The following RPTOR variants were observed in gnomAD, a reference collection of about 807,000 sequenced individuals.
RPTOR encodes regulatory associated protein of MTOR complex 1.
RPTOR carries 21 observed loss-of-function variants against 169.9 expected under a neutral mutation model. The observed-to-expected ratio is 0.12, with a 90% CI of 0.09 to 0.18. The LOEUF is 0.18. RPTOR is among the 10% of genes least tolerant of loss of function. RPTOR has a pLI of 1.00. For synonymous variants in RPTOR, 732 were observed against 753.2 expected, an observed-to-expected ratio of 0.97 and a Z score of 0.46; for missense variants, 1,133 against 1,855.9, an observed-to-expected ratio of 0.61 and a Z score of 7.16.
At chr17:80,801,825 T>G (rs955982714) in intron 7 of RPTOR, 7 of 152,018 alleles carry the variant, frequency 4.6e-5, no homozygotes, top group African/African-American at 1.7e-4. Context: ...AGGTGAGTGA[T>G]TGGCGGAAAC....
At chr17:80,841,098 GCTCA>G (rs1166945667) in intron 10 of RPTOR, among the ~76,000 whole-genome samples, 1 of 72,412 alleles carries the variant, frequency 1.4e-5, no homozygotes, top group Non-Finnish European at 2.3e-5. Context: ...CCACACGGCA[GCTCA>G]CTCTCTCTGC....
At chr17:80,586,317 CTGAT>C (rs1229886329) in intron 1 of RPTOR, among the ~76,000 whole-genome samples, 2 of 152,096 alleles carry the variant, frequency 1.3e-5, no homozygotes, top group Non-Finnish European at 2.9e-5. Context: ...AGTCTTGTGA[CTGAT>C]TGGTGCCTCC....
intron 3 of RPTOR, among the ~76,000 whole-genome samples, chr17:80,685,217 G>A (rs1043770383): frequency 6.6e-5 from 7 of 106,276 alleles, no homozygotes; most frequent in Admixed American, 2.5e-4. Context: ...CGTTTTCAGT[G>A]TATGCCAGTG....
At chr17:80,563,656 G>C (rs186675444) in intron 1 of RPTOR, among the ~76,000 whole-genome samples, 6 of 150,938 alleles carry the variant, frequency 4.0e-5, no homozygotes, top group Admixed American at 4.0e-4. Flanking sequence ...ATTTGTTTTA[G>C]TCAGGTTCTT....
intron 21 of RPTOR, among the ~76,000 whole-genome samples, chr17:80,922,431 G>C (rs779526103): frequency 6.6e-6 from 1 of 152,126 alleles, no homozygotes; most frequent in Non-Finnish European, 1.5e-5. Context: ...GAGGCTTCAG[G>C]CCCTGACCCC....
chr17:80,848,920 C>G (rs1310311031), intron 11 of RPTOR, among the ~76,000 whole-genome samples: 1 of 152,252 alleles, frequency 6.6e-6, no homozygotes, highest in Admixed American at 6.5e-5. Context: ...GAAGACAGCT[C>G]TGGTCGGAGC....
At chr17:80,745,820 A>G (rs2066567330) in intron 5 of RPTOR, among the ~76,000 whole-genome samples, 1 of 152,218 alleles carries the variant, frequency 6.6e-6, no homozygotes, top group African/African-American at 2.4e-5. Context: ...GATGCCTCTT[A>G]TATGTATTTG....
intron 4 of RPTOR, chr17:80,709,261 A>G (rs2066166100): frequency 3.9e-6 from 1 of 259,094 alleles, no homozygotes; most frequent in South Asian, 1.4e-4. Context: ...TTACAGAAGC[A>G]GGATGTAATG....
chr17:80,743,561 C>A, intron 5 of RPTOR: 1 of 520,466 alleles, frequency 1.9e-6, no homozygotes, highest in Non-Finnish European at 2.5e-6. Context: ...AAGGTGCCTG[C>A]GTGGGCTAGA....
chr17:80,592,496 G>A (rs1035081324), intron 1 of RPTOR, among the ~76,000 whole-genome samples: 1 of 152,114 alleles, frequency 6.6e-6, no homozygotes, highest in African/African-American at 2.4e-5. Context: ...GTGCATCTGG[G>A]AAGGGAACAG....
intron 3 of RPTOR, among the ~76,000 whole-genome samples, chr17:80,670,869 G>T (rs142206563): frequency 5.3e-5 from 8 of 151,978 alleles, no homozygotes; most frequent in African/African-American, 1.7e-4. Context: ...GGTCTCCTCG[G>T]TCAGGGGAAT....
chr17:80,612,869 AAAAC>A (rs1178367452), intron 1 of RPTOR, among the ~76,000 whole-genome samples: 1 of 152,240 alleles, frequency 6.6e-6, no homozygotes, highest in Non-Finnish European at 1.5e-5. Flanking sequence ...CTTTGTCTCA[AAAAC>A]AAACAAACAA....
chr17:80,635,532 G>A (rs965784635), intron 2 of RPTOR, among the ~76,000 whole-genome samples: 4 of 152,190 alleles, frequency 2.6e-5, no homozygotes, highest in Non-Finnish European at 5.9e-5. Flanking sequence ...ACATGGTGAG[G>A]TGCTTGTAGG....
chr17:80,606,098 G>A (rs2065226682), intron 1 of RPTOR, among the ~76,000 whole-genome samples: 1 of 151,988 alleles, frequency 6.6e-6, no homozygotes, highest in African/African-American at 2.4e-5. Context: ...TGCAAGTTCC[G>A]CCTCCCGGGT....
intron 25 of RPTOR, among the ~76,000 whole-genome samples, chr17:80,941,615 CAA>C (rs1187661203): frequency 1.3e-5 from 2 of 152,366 alleles, no homozygotes; most frequent in Admixed American, 6.5e-5. Flanking sequence ...TCAGCACCAT[CAA>C]AAGTCAAGGA....
At chr17:80,864,536 T>C (rs911304335) in intron 13 of RPTOR, among the ~76,000 whole-genome samples, 1 of 151,698 alleles carries the variant, frequency 6.6e-6, no homozygotes. Context: ...CCTAGAATTC[T>C]ATACCCACTG....
At chr17:80,619,809 A>T (rs1339871986) in intron 1 of RPTOR, among the ~76,000 whole-genome samples, 2 of 152,170 alleles carry the variant, frequency 1.3e-5, no homozygotes, top group African/African-American at 2.4e-5. Flanking sequence ...TCCTTTCACC[A>T]AGCTGAACAC....
chr17:80,720,438 G>A (rs978396264), intron 4 of RPTOR, among the ~76,000 whole-genome samples: 21 of 152,212 alleles, frequency 1.4e-4, no homozygotes, highest in Admixed American at 2.6e-4. Flanking sequence ...ATCTAGCGGT[G>A]TCCAAGAAAA....
At chr17:80,783,601 G>A (rs972524949) in intron 6 of RPTOR, among the ~76,000 whole-genome samples, 4 of 152,160 alleles carry the variant, frequency 2.6e-5, no homozygotes, top group East Asian at 1.9e-4. Flanking sequence ...TTCCATTGCC[G>A]GCCAGGCTCA....
Sources: gnomAD v4.1 joint callset for allele counts (sites outside exome capture counted in the v4.1 genomes callset) on GRCh38, gnomAD v4.1.1 for gene constraint, MANE v1.5 for transcripts, NCBI Gene and HGNC (gene_info 2026-07-23, HGNC 2026-07-21) for gene names.